Variants in TRPM3 observed in about 807,000 individuals in gnomAD.
TRPM3 encodes long transient receptor potential channel 3.
In TRPM3, 77 loss-of-function variants were observed where a neutral mutation model predicts 181.2. That is an observed-to-expected ratio of 0.42 (90% CI 0.35 to 0.51). The LOEUF (loss-of-function observed/expected upper bound fraction) is 0.51. Ranked by LOEUF, TRPM3 falls within the 20% of genes least tolerant of loss-of-function variation. The pLI is 0.01. For missense variants in TRPM3, 1,759 were observed against 2,196.7 expected (o/e 0.80, Z 3.98); for synonymous variants, 745 against 796.4 (o/e 0.94, Z 1.09).
chr9:71,069,929 G>T (rs2062510100), intron 1 of TRPM3, among the ~76,000 whole-genome samples: 1 of 152,044 alleles, frequency 6.6e-6, no homozygotes. Flanking sequence ...TTTTAAAAAA[G>T]GTACTTTAGT....
upstream of TRPM3, among the ~76,000 whole-genome samples, chr9:71,124,756 T>C (rs1398446387): frequency 6.6e-6 from 1 of 152,108 alleles, no homozygotes; most frequent in Non-Finnish European, 1.5e-5. Context: ...ATTGTACCAC[T>C]TTGCACCCTG....
chr9:71,314,885 T>C (rs1393971809), intron 1 of TRPM3, among the ~76,000 whole-genome samples: 1 of 149,546 alleles, frequency 6.7e-6, no homozygotes, highest in Non-Finnish European at 1.5e-5. Flanking sequence ...AAAATGGGCA[T>C]CAACGTTCAG....
At chr9:71,215,500 C>T (rs2079810238) in intron 1 of TRPM3, among the ~76,000 whole-genome samples, 1 of 152,138 alleles carries the variant, frequency 6.6e-6, no homozygotes, top group Non-Finnish European at 1.5e-5. Flanking sequence ...CCTAAACTTC[C>T]CTTATGTTGT....
At chr9:71,061,550 A>T (rs2061336295) in intron 1 of TRPM3, among the ~76,000 whole-genome samples, 2 of 152,126 alleles carry the variant, frequency 1.3e-5, no homozygotes, top group African/African-American at 2.4e-5. Flanking sequence ...TGATAAACAC[A>T]TGCATTCCTC....
chr9:71,160,516 T>C (rs952943656), intron 1 of TRPM3, among the ~76,000 whole-genome samples: 1 of 152,138 alleles, frequency 6.6e-6, no homozygotes, highest in African/African-American at 2.4e-5. Flanking sequence ...TCCAGAACAC[T>C]ACTTATCCTT....
chr9:71,169,728 G>T (rs1399062970), intron 1 of TRPM3, among the ~76,000 whole-genome samples: 2 of 152,030 alleles, frequency 1.3e-5, no homozygotes, highest in Non-Finnish European at 2.9e-5. Flanking sequence ...GCTGAGGTGG[G>T]CGGATCACCT....
At chr9:71,097,725 G>A (rs1278637893) in intron 1 of TRPM3, among the ~76,000 whole-genome samples, 1 of 152,084 alleles carries the variant, frequency 6.6e-6, no homozygotes, top group African/African-American at 2.4e-5. Context: ...ACAGAAGAGA[G>A]ATGATTATCT....
chr9:70,757,644 A>G (rs565880873), intron 8 of TRPM3, among the ~76,000 whole-genome samples: 1 of 152,264 alleles, frequency 6.6e-6, no homozygotes, highest in Admixed American at 6.5e-5. Flanking sequence ...CCACCACGAT[A>G]AAGTCAGCTT....
At chr9:71,183,615 A>T (rs547676934) in intron 1 of TRPM3, among the ~76,000 whole-genome samples, 2 of 152,238 alleles carry the variant, frequency 1.3e-5, no homozygotes, top group African/African-American at 4.8e-5. Flanking sequence ...CCCAATATGT[A>T]TTAAAGATTA....
intron 1 of TRPM3, among the ~76,000 whole-genome samples, chr9:71,113,985 T>C (rs986074834): frequency 1.3e-5 from 2 of 152,218 alleles, no homozygotes; most frequent in African/African-American, 4.8e-5. Context: ...GATTCTATCA[T>C]AGATAGTCTT....
chr9:71,277,021 T>G, intron 1 of TRPM3, among the ~76,000 whole-genome samples: 1 of 152,184 alleles, frequency 6.6e-6, no homozygotes, highest in East Asian at 1.9e-4. Flanking sequence ...AAAACTATAA[T>G]GATAAATGAT....
chr9:70,841,661 T>TATGTATATAA (rs1339698170), intron 5 of TRPM3, among the ~76,000 whole-genome samples: 1 of 86,080 alleles, frequency 1.2e-5, no homozygotes, highest in Non-Finnish European at 2.3e-5. Flanking sequence ...TATATATATA[T>TATGTATATAA]CCCACCATAT....
intron 9 of TRPM3, among the ~76,000 whole-genome samples, chr9:70,648,355 G>C (rs2059169938): frequency 6.6e-6 from 1 of 152,022 alleles, no homozygotes; most frequent in African/African-American, 2.4e-5. Context: ...ATGTACTTGT[G>C]GTCCCAGCCA....
chr9:71,126,436 C>T (rs948565291), upstream of TRPM3, among the ~76,000 whole-genome samples: 1 of 152,116 alleles, frequency 6.6e-6, no homozygotes, highest in South Asian at 2.1e-4. Flanking sequence ...TTCCTTTTAA[C>T]TTTACTCCAA....
chr9:70,770,260 C>T (rs2079967841), intron 7 of TRPM3, among the ~76,000 whole-genome samples: 1 of 152,160 alleles, frequency 6.6e-6, no homozygotes, highest in South Asian at 2.1e-4. Flanking sequence ...TTTCTGGATA[C>T]TACCTCATCC....
chr9:70,789,662 AGATGCTT>A (rs2084867579), intron 6 of TRPM3, among the ~76,000 whole-genome samples: 1 of 152,226 alleles, frequency 6.6e-6, no homozygotes, highest in Admixed American at 6.5e-5. Context: ...GGAATAGGCA[AGATGCTT>A]GCCACACTCT....
chr9:70,863,151 T>C, intron 2 of TRPM3, 39 bp from the exon 3 acceptor site: 1 of 1,580,022 alleles, frequency 6.3e-7, no homozygotes, highest in Non-Finnish European at 8.7e-7. Context: ...CTGGTATTAG[T>C]CACTATTGGG....
At chr9:71,175,583 G>C (rs1233712938) in intron 1 of TRPM3, among the ~76,000 whole-genome samples, 2 of 152,184 alleles carry the variant, frequency 1.3e-5, no homozygotes, top group Non-Finnish European at 2.9e-5. Context: ...GTGTCAGAGG[G>C]AAAGATCCCC....
In TRPM3 at chr9:70,815,235, T is replaced by C. The variant is rs547189967; in HGVS notation, c.973+12612A>G. Among the ~76,000 whole-genome samples the C allele has an allele frequency of 1.2e-3, 183 of 152,326 alleles. 1 individual carries two copies. The highest frequency in any genetic ancestry group is 3.4e-3 in the Middle Eastern group (1 of 294). ...ATGTGAGCCCAACAGCGGTATTACA[T>C]TATTCACAATGATTTCAGAATATTT... On this transcript the variant is annotated intron_variant, in intron 6 of 25. Coordinates refer to ENST00000677713, the MANE Select transcript of TRPM3 (RefSeq NM_001366145.2).
Sources: allele counts gnomAD v4.1 joint callset (sites outside exome capture counted in the v4.1 genomes callset), GRCh38; gene constraint gnomAD v4.1.1; transcripts MANE v1.5; gene names NCBI Gene and HGNC (gene_info 2026-07-23, HGNC 2026-07-21).